CDH22: variants seen among roughly 807,000 people sequenced by gnomAD.
The protein encoded by CDH22 is cadherin-22.
Under a neutral mutation model 58.4 loss-of-function variants are expected in CDH22, and 30 were observed. The observed-to-expected ratio is 0.51, with a 90% CI of 0.38 to 0.70. The LOEUF is 0.70. CDH22 is among the 30% of genes least tolerant of loss of function. CDH22 has a pLI of 0.00. For synonymous variants in CDH22, 513 were observed against 558.2 expected (o/e 0.92, Z 1.14); for missense variants, 1,014 against 1,233.9 (o/e 0.82, Z 2.67).
At chr20:46,223,385 A>G (rs1301807907) in intron 4 of CDH22, among the ~76,000 whole-genome samples, 1 of 151,914 alleles carries the variant, frequency 6.6e-6, no homozygotes, top group Non-Finnish European at 1.5e-5. Context: ...CCATCTCCCC[A>G]AGGCTTATCA....
Position 46,174,531 on chromosome 20 carries a change from C to T in CDH22, c.2462G>A (p.Gly821Glu). 1.3e-6 allele frequency: 2 copies of T among 1,517,908 alleles called. No homozygotes were observed. The highest frequency in any genetic ancestry group is 1.8e-6 in the Non-Finnish European group (2 of 1,139,244). The allele number at this position is 1,517,908 out of a possible 1,614,324, so 94.0% of individuals were successfully genotyped here. Residue 821 changes from glycine to glutamate, a missense_variant, in exon 12 of 12, where the codon GGG (glycine) becomes GAG (glutamate). Gly to Glu is a moderately conservative substitution (Grantham distance 98). This residue lies in a region of CDH22 where 208 missense variants were observed against 195.2 expected (regional missense o/e 1.07). Transcript: ENST00000537909. This position sits in a 1 kb window ranked among gnomAD's most constrained non-coding sequence, Gnocchi z 4.4. ...CTAGGAGGCCTGGGCCTCGTCGTCC[C>T]CGCGGTGGCCGGCGTAGAGCGCGGC... ...PLAALYAGHR[G>E]DDEAQAS
At chr20:46,281,071 G>T (rs1282841796) in intron 1 of CDH22, among the ~76,000 whole-genome samples, 1 of 152,206 alleles carries the variant, frequency 6.6e-6, no homozygotes, top group Non-Finnish European at 1.5e-5. Flanking sequence ...AATCTCAATT[G>T]ATTTCTGGGG....
At chr20:46,247,234 G>A (rs2425799) in intron 2 of CDH22, among the ~76,000 whole-genome samples, 45,929 of 152,072 alleles carry the variant, frequency 0.3, 7,041 homozygotes, top group Middle Eastern at 0.49. Flanking sequence ...AGGACCCAGA[G>A]AGTATTCTAG....
At chr20:46,256,505 A>T (rs1324566230) in intron 1 of CDH22, among the ~76,000 whole-genome samples, 2 of 152,170 alleles carry the variant, frequency 1.3e-5, no homozygotes, top group African/African-American at 4.8e-5. Context: ...GGTCAGCAGC[A>T]TGTGTCTAGT....
chr20:46,262,730 A>AG (rs2086439410), intron 1 of CDH22, among the ~76,000 whole-genome samples: 1 of 152,160 alleles, frequency 6.6e-6, no homozygotes, highest in Non-Finnish European at 1.5e-5. Context: ...TTGAACTCTG[A>AG]TCTGCCAGCT....
At chr20:46,277,015 G>T (rs2086521605) in intron 1 of CDH22, among the ~76,000 whole-genome samples, 2 of 152,226 alleles carry the variant, frequency 1.3e-5, no homozygotes, top group Non-Finnish European at 2.9e-5. Context: ...CAGGCCGGGT[G>T]CAGTGGCCTA....
At chr20:46,206,013 C>T (rs1184206485) in intron 7 of CDH22, among the ~76,000 whole-genome samples, 2 of 152,198 alleles carry the variant, frequency 1.3e-5, no homozygotes, top group Admixed American at 1.3e-4. Flanking sequence ...ACTACTCACC[C>T]CTCCCTGGAG....
chr20:46,198,451 A>G lies in CDH22; in HGVS notation c.1423+972T>C, dbSNP rs184421545. 5.1e-4 allele frequency among the ~76,000 whole-genome samples: 77 copies of G among 152,072 alleles called. No homozygotes were observed. The East Asian group carries it at 0.015, about 29-fold the overall frequency. On this transcript the variant is annotated intron_variant, in intron 8 of 11. Transcript: ENST00000537909. ...GGCTCTATCTTCAGCCTGTATCCCA[A>G]AGCCAGCCACTTCTCACCTCCTCCT... is the stretch of plus-strand genomic sequence containing the variant.
At chr20:46,237,718 C>T (rs2086263595) in intron 3 of CDH22, among the ~76,000 whole-genome samples, 1 of 152,124 alleles carries the variant, frequency 6.6e-6, no homozygotes, top group Admixed American at 6.5e-5. Context: ...AGAGCTGGGT[C>T]TCCATAGGCC....
intron 5 of CDH22, 92 bp from the exon 6 acceptor site, chr20:46,213,280 G>A (rs2086058291): frequency 5.7e-6 from 5 of 876,026 alleles, no homozygotes; most frequent in Non-Finnish European, 9.2e-6. Flanking sequence ...GCCCAGGTGA[G>A]CCTCTATGGA....
At position 46,296,712 on chromosome 20, in the gene CDH22, C is replaced by T. The variant is rs754729450; in HGVS notation, c.-400+11543G>A. Among the ~76,000 whole-genome samples the T allele has an allele frequency of 1.0e-3, 159 of 152,060 alleles. 1 individual carries two copies. Among genetic ancestry groups the T allele is most frequent in the Non-Finnish European group, 1.1e-3 (74 of 67,986 alleles). On this transcript the variant is annotated intron_variant, in intron 1 of 11. Coordinates refer to ENST00000537909, the MANE Select transcript of CDH22 (RefSeq NM_021248.3). ...TTTGAACGCCAAGCAGATGGTTTGG[C>T]GCTGACAGGCAAGGCCACAGGGAGC...
intron 1 of CDH22, among the ~76,000 whole-genome samples, chr20:46,305,760 G>A (rs1276823972): frequency 2.6e-5 from 4 of 152,252 alleles, no homozygotes; most frequent in Non-Finnish European, 5.9e-5. Context: ...CGCCCATGTG[G>A]TAAATAAACT....
At chr20:46,242,963 A>C (rs2086302771) in intron 2 of CDH22, among the ~76,000 whole-genome samples, 1 of 152,172 alleles carries the variant, frequency 6.6e-6, no homozygotes, top group Non-Finnish European at 1.5e-5. Flanking sequence ...GTTTTCTTGC[A>C]ATCAGAAACA....
chr20:46,199,148 C>T (rs547756257), intron 8 of CDH22, among the ~76,000 whole-genome samples: 63 of 152,198 alleles, frequency 4.1e-4, no homozygotes, highest in Non-Finnish European at 8.5e-4. Context: ...TTGAGACCAG[C>T]CCTACCCCCT....
At position 46,227,526 on chromosome 20, in the gene CDH22, T is replaced by A. The variant is rs200390771; in HGVS notation, c.652A>T (p.Thr218Ser). Residue 218 changes from threonine to serine, a missense_variant, in exon 4 of 12, where the codon ACC becomes TCC. Around this residue, in one of 2 missense-constraint regions of CDH22, gnomAD observed 806 missense variants for 1,038.7 expected, o/e 0.78. Transcript: ENST00000537909. ...CCCTCACCGGTCTTGGGGTCCACGG[T>A]GAAGTGGTGCTCGCCGTCCAGCACG... ...YSVLDGEHHF[T>S]VDPKTGVIRT... is the part of the protein sequence containing the mutation. 4.1e-4 allele frequency: 571 copies of A among 1,401,360 alleles called. 3 individuals carry two copies. The highest frequency in any genetic ancestry group is 5.4e-5 in the Non-Finnish European group (57 of 1,049,682). 86.8% of individuals were successfully genotyped at this position (1,401,360 alleles called of 1,614,324 possible).
intron 7 of CDH22, among the ~76,000 whole-genome samples, chr20:46,203,040 C>T (rs570663835): frequency 6.6e-6 from 1 of 152,316 alleles, no homozygotes; most frequent in East Asian, 1.9e-4. Flanking sequence ...TCCTCCTCCT[C>T]TTCCTCCTTC....
intron 7 of CDH22, among the ~76,000 whole-genome samples, chr20:46,199,918 T>G (rs1012509496): frequency 1.4e-5 from 2 of 141,280 alleles, no homozygotes; most frequent in Non-Finnish European, 3.0e-5. Flanking sequence ...CTTCTTTCTT[T>G]CTTTCTCTCT....
chr20:46,223,707 TTC>T (rs564648755), intron 4 of CDH22, among the ~76,000 whole-genome samples: 17,850 of 78,876 alleles, frequency 0.23, 1,328 homozygotes, highest in Middle Eastern at 0.32. Context: ...CTTTCTTTCT[TTC>T]TTTCTTTTTC....
In CDH22 at chr20:46,174,974, T is replaced by A; in HGVS notation, c.2019A>T (p.Glu673Asp). The A allele has an allele frequency of 6.2e-7, 1 of 1,604,136 alleles. No individual in the cohort carries two copies. ...MRDNVIKYND[E>D]GGGEQDTEAY... is the part of the protein sequence containing the mutation. ...CTTCGGTGTCCTGCTCGCCGCCGCC[T>A]TCGTCGTTGTATTTGATGACGTTGT... The change falls in exon 12 of 12, where the codon GAA becomes GAT. Residue 673 changes from glutamate (E) to aspartate (D), a missense_variant. Physicochemically the swap from Glu to Asp is conservative, Grantham distance 45. Coordinates refer to ENST00000537909, the MANE Select transcript of CDH22 (RefSeq NM_021248.3). This position sits in a 1 kb window ranked among gnomAD's most constrained non-coding sequence, Gnocchi z 4.4.
Sources: gnomAD v4.1 joint callset for allele counts (sites outside exome capture counted in the v4.1 genomes callset) on GRCh38, gnomAD v4.1.1 for gene constraint, gnomAD v4.1.1 regional missense constraint, Gnocchi (gnomAD v3.1) non-coding constraint, MANE v1.5 for transcripts, NCBI Gene and HGNC (gene_info 2026-07-23, HGNC 2026-07-21) for gene names.